MAMDC4: variants seen among roughly 807,000 people sequenced by gnomAD.
MAMDC4 encodes MAM domain containing 4, also known as apical endosomal glycoprotein.
MAMDC4 carries 168 observed loss-of-function variants against 153.3 expected under a neutral mutation model. That is an observed-to-expected ratio of 1.10 (90% confidence interval 0.97 to 1.25). MAMDC4 has a LOEUF of 1.25. MAMDC4 is among the 50% of genes most tolerant of loss of function. MAMDC4 has a pLI of 0.00. For missense variants in MAMDC4, 1,701 were observed against 1,542.8 expected (o/e 1.10, Z -1.72); for synonymous variants, 744 against 651.5 (o/e 1.14, Z -2.16).
chr9:136,858,288 G>T lies in MAMDC4; in HGVS notation c.2674+12G>T. 6.2e-7 allele frequency: 1 copy of T among 1,601,322 alleles called. No individual in the cohort carries two copies. ...CTGCCCTCAGCCAGGTGGGAGCCCTGCCGTGGCCTCGGCCCTGCTCTGGGG... is the reference window on the plus strand; with the variant it reads ...CTGCCCTCAGCCAGGTGGGAGCCCTTCCGTGGCCTCGGCCCTGCTCTGGGG... On this transcript the variant is annotated intron_variant, in intron 21 of 26. Transcript: ENST00000317446.
Position 136,855,265 on chromosome 9 carries a change from C to T in MAMDC4, c.1209C>T (p.Ala403=), listed in dbSNP as rs775459740. Residue 403 remains alanine, a synonymous_variant, in exon 11 of 27, where the codon GCC becomes GCT. Coordinates refer to ENST00000317446, the MANE Select transcript of MAMDC4 (RefSeq NM_206920.3). ...QSAYPFQILL[A]GQTGPGGVVG... ...CCCTCTGCCCTCAGATCCTCCTGGC[C>T]GGGCAGACAGGCCCGGGGGGCGTCG... The T allele has an allele frequency of 1.3e-4, 201 of 1,597,236 alleles. No individual in the cohort carries two copies. Among genetic ancestry groups the T allele is most frequent in the Middle Eastern group, 3.3e-4 (2 of 6,008 alleles).
chr9:136,859,065 C>T lies in MAMDC4; in HGVS notation c.3017C>T (p.Ala1006Val). Residue 1006 changes from alanine (A) to valine (V), a missense_variant, in exon 24 of 27, where the codon GCA (alanine) becomes GTA (valine). Coordinates refer to ENST00000317446, the MANE Select transcript of MAMDC4 (RefSeq NM_206920.3). ...SAQGQLAVWG[A>V]GGHRRHQWLE... is the part of the protein sequence containing the mutation. ...CAGGGCCAGCTGGCTGTGTGGGGCG[C>T]AGGCGGGCATCGGCGGCACCAGTGG... The T allele has an allele frequency of 6.4e-7, 1 of 1,557,384 alleles. No homozygotes were observed. Among genetic ancestry groups the T allele is most frequent in the Non-Finnish European group, 8.7e-7 (1 of 1,150,162 alleles).
chr9:136,859,858 A>G (rs1849060119), intron 25 of MAMDC4, 28 bp from the exon 26 acceptor site: 1 of 1,610,170 alleles, frequency 6.2e-7, no homozygotes, highest in Admixed American at 1.7e-5. Context: ...GCTGCTTTGG[A>G]GGGCTCACAT....
intron 6 of MAMDC4, 57 bp downstream of exon 6, chr9:136,854,133 C>A: frequency 6.2e-7 from 1 of 1,610,264 alleles, no homozygotes. Context: ...TGCCCACTCC[C>A]CTGCTCAGAC....
At chr9:136,856,328 G>C in intron 14 of MAMDC4, 179 bp downstream of exon 14, 1 of 1,081,646 alleles carries the variant, frequency 9.2e-7, no homozygotes, top group Non-Finnish European at 1.4e-6. Flanking sequence ...CAGCAGTGCA[G>C]GCATCTGGAA....
rs539680995 is a variant in MAMDC4 at position 136,856,893 on chromosome 9, C to T, written c.1838-14C>T. 1 of 1,610,370 alleles carries T rather than the reference C, an allele frequency of 6.2e-7. No individual in the cohort carries two copies. The highest frequency in any genetic ancestry group is 1.7e-5 in the Admixed American group (1 of 59,946). On this transcript the variant is annotated splice_polypyrimidine_tract_variant and intron_variant, in intron 15 of 26. Coordinates refer to ENST00000317446, the MANE Select transcript of MAMDC4 (RefSeq NM_206920.3). ...GTGGGGCATCTCTGCAGCACAGCCC[C>T]ATGCCCCCTGCAGGCCACTTTGTGC...
chr9:136,856,419 C>G (rs368769733), intron 14 of MAMDC4: 2 of 790,540 alleles, frequency 2.5e-6, no homozygotes, highest in East Asian at 4.9e-5. Flanking sequence ...TCCGCTGGAG[C>G]GGGCCCTGAC....
chr9:136,855,331 A>G lies in MAMDC4; in HGVS notation c.1275A>G (p.Pro425=), dbSNP rs1401823486. 2 of 1,604,940 alleles carry G rather than the reference A, an allele frequency of 1.2e-6. No homozygotes were observed. The highest frequency in any genetic ancestry group is 2.7e-5 in the African/African-American group (2 of 74,682). The change falls in exon 11 of 27, where the codon CCA becomes CCG. Residue 425 remains proline (P), a synonymous_variant. Coordinates refer to ENST00000317446, the MANE Select transcript of MAMDC4 (RefSeq NM_206920.3). Reference sequence around the variant, plus strand: ...TCATCCTGTCTGACCACTGCAGACCAGTCTCGGGTGAGCCTGCTGACTCTG... The same window carrying G: ...TCATCCTGTCTGACCACTGCAGACCGGTCTCGGGTGAGCCTGCTGACTCTG... ...DDLILSDHCR[P]VSEVSTLQPL... is the part of the protein sequence containing the mutation.
chr9:136,856,243 G>A (rs776447875), intron 14 of MAMDC4, 94 bp downstream of exon 14: 41 of 1,582,996 alleles, frequency 2.6e-5, no homozygotes, highest in African/African-American at 2.4e-4. Context: ...AGTGCCCCCC[G>A]CCCCGCTGGC....
chr9:136,856,186 T>G, intron 14 of MAMDC4, 37 bp downstream of exon 14: 1 of 1,611,334 alleles, frequency 6.2e-7, no homozygotes. Flanking sequence ...GGCCAGCCCC[T>G]GGGTGCTCCC....
In MAMDC4 at chr9:136,856,065, G is replaced by T; in HGVS notation, c.1636G>T (p.Ala546Ser). ...QRAWGQLGAE[A>S]RVLTPLLGPS... ...GGCCTGGGGGCAGCTAGGCGCTGAG[G>T]CCCGGGTCCTCACACCCCTCCTTGG... The change falls in exon 14 of 27, where the codon GCC (alanine) becomes TCC (serine). Residue 546 changes from alanine (A) to serine (S), a missense_variant. Ala to Ser is a moderately conservative substitution (Grantham distance 99). Transcript: ENST00000317446. 1.2e-6 allele frequency: 2 copies of T among 1,612,428 alleles called. No homozygotes were observed. The highest frequency in any genetic ancestry group is 1.7e-6 in the Non-Finnish European group (2 of 1,179,874).
rs767157856 is a variant in MAMDC4 at position 136,858,086 on chromosome 9, C to T, written c.2572C>T (p.Arg858Ter). The T allele has an allele frequency of 1.0e-4, 156 of 1,531,370 alleles. No individual in the cohort carries two copies. Among genetic ancestry groups the T allele is most frequent in the Middle Eastern group, 1.9e-4 (1 of 5,160 alleles). 94.9% of individuals were successfully genotyped at this position (1,531,370 alleles called of 1,614,324 possible). ...GGGCAGCATGGACGTGCAGGCCGAG[C>T]GAGCCTGGAGGGTGAGTGCAGGGTG... ...RLGSMDVQAE[R>*]AWRVVFEAVA... The change falls in exon 20 of 27, where the codon CGA becomes TGA. Residue 858 changes from arginine to a stop codon, truncating the protein, a stop_gained. Transcript: ENST00000317446. LOFTEE classifies it high-confidence loss of function.
chr9:136,854,439 C>A, intron 7 of MAMDC4, 100 bp from the exon 8 acceptor site: 1 of 1,507,696 alleles, frequency 6.6e-7, no homozygotes, highest in African/African-American at 1.4e-5. Flanking sequence ...CTTGGATGGT[C>A]CTTCTTGGGG....
Position 136,855,029 on chromosome 9 carries a change from C to A in MAMDC4, c.1116C>A (p.Val372=), listed in dbSNP as rs545519372. Residue 372 remains valine, a synonymous_variant, in exon 10 of 27, where the codon GTC becomes GTA. Coordinates refer to ENST00000317446, the MANE Select transcript of MAMDC4 (RefSeq NM_206920.3). ...GGCCCGGCGCCCCCCGGGCCCCCGT[C>A]CTGCTGCGGAGGCGCCGAGGGGAGC... is the stretch of plus-strand genomic sequence containing the variant. ...TLGPGAPRAP[V]LLRRRRGELG... is the part of the protein sequence containing the mutation. 13 of 1,606,972 alleles carry A rather than the reference C, an allele frequency of 8.1e-6. No individual in the cohort carries two copies. In the East Asian group the frequency reaches 1.8e-4, roughly 22 times the overall value.
chr9:136,856,222 G>C, intron 14 of MAMDC4, 73 bp downstream of exon 14: 3 of 1,609,390 alleles, frequency 1.9e-6, no homozygotes, highest in East Asian at 2.2e-5. Flanking sequence ...GTCTGGGGCC[G>C]GGTGACCCAC....
At chr9:136,853,958 C>T in intron 5 of MAMDC4, 34 bp from the exon 6 acceptor site, 2 of 1,612,866 alleles carry the variant, frequency 1.2e-6, no homozygotes, top group Non-Finnish European at 1.7e-6. Context: ...GGGTCTGGGC[C>T]CTGACTTAGG....
In MAMDC4 at chr9:136,855,601, G is replaced by A. The variant is rs761650131; in HGVS notation, c.1453G>A (p.Glu485Lys). The part of the protein sequence containing the change: ...CDFEEQCAGG[E>K]DEQACGTTDF... ...CTTCGAGGAGCAGTGCGCAGGGGGC[G>A]AGGACGAGCAGGCCTGTGGTAAAGG... The change falls in exon 12 of 27, where the codon GAG (glutamate) becomes AAG (lysine). Residue 485 changes from glutamate to lysine, a missense_variant. By Grantham distance (56) the Glu-to-Lys change is moderately conservative. Transcript: ENST00000317446. 4.0e-5 allele frequency: 63 copies of A among 1,583,780 alleles called. No homozygotes were observed. The highest frequency in any genetic ancestry group is 5.7e-5 in the South Asian group (5 of 87,190).
rs770032748 is a variant in MAMDC4, at chr9:136,856,146, C to T, written c.1717C>T (p.Arg573Ter). ...HLAYYLQSQP[R>*]EVSCNFERDT... ...GGCTTATTATTTACAGAGCCAGCCC[C>T]GAGGTACCGCCACACTCCGCAAGTT... The change falls in exon 14 of 27, where the codon CGA becomes TGA. Residue 573 changes from arginine (R) to a stop codon, truncating the protein, a stop_gained. Coordinates refer to ENST00000317446, the MANE Select transcript of MAMDC4 (RefSeq NM_206920.3). LOFTEE classifies it high-confidence loss of function. 4.0e-5 allele frequency: 65 copies of T among 1,611,986 alleles called. No homozygotes were observed. The highest frequency in any genetic ancestry group is 5.3e-5 in the Non-Finnish European group (62 of 1,179,616).
chr9:136,855,310 C>T lies in MAMDC4; in HGVS notation c.1254C>T (p.Ile418=), dbSNP rs771162391. 3.1e-6 allele frequency: 5 copies of T among 1,607,440 alleles called. No individual in the cohort carries two copies. The highest frequency in any genetic ancestry group is 1.3e-5 in the African/African-American group (1 of 74,818). ...GCGTCGTGGGTCTGGACGACCTCAT[C>T]CTGTCTGACCACTGCAGACCAGTCT... The part of the protein sequence containing the change: ...PGGVVGLDDL[I]LSDHCRPVSE... Residue 418 remains isoleucine, a synonymous_variant, in exon 11 of 27, where the codon ATC becomes ATT. Transcript: ENST00000317446.
Sources: allele counts gnomAD v4.1 joint callset, GRCh38; gene constraint gnomAD v4.1.1; transcripts MANE v1.5; gene names NCBI Gene and HGNC (gene_info 2026-07-23, HGNC 2026-07-21).